The following RSF1 variants were observed in gnomAD, a reference collection of about 807,000 sequenced individuals.
RSF1 encodes the protein HBV pX-associated protein 8.
A neutral mutation model predicts 145.2 loss-of-function variants in RSF1; 13 were observed. The observed-to-expected ratio is 0.09, with a 90% CI of 0.06 to 0.14. RSF1 has a LOEUF of 0.14. Ranked by LOEUF, RSF1 falls within the 10% of genes least tolerant of loss-of-function variation. RSF1 has a pLI of 1.00. For missense variants in RSF1, 1,517 were observed against 1,718.2 expected (o/e 0.88, Z 2.07); for synonymous variants, 577 against 592.6 (o/e 0.97, Z 0.38).
In RSF1 at chr11:77,728,342, A is replaced by G. The variant is rs569481914; in HGVS notation, c.579-2643T>C. ...AAAAAGGAATAAAGTTCTGATTTAT[A>G]TTACACGGATAAACTTTGTAAAGAT... On this transcript the variant is annotated intron_variant, in intron 4 of 15. Coordinates refer to ENST00000308488, the MANE Select transcript of RSF1 (RefSeq NM_016578.4). 2.6e-5 allele frequency among the ~76,000 whole-genome samples: 4 copies of G among 152,308 alleles called. No individual in the cohort carries two copies. In the East Asian group the frequency reaches 5.8e-4, roughly 22 times the overall value.
chr11:77,676,617 A>C (rs1048659374), intron 13 of RSF1, among the ~76,000 whole-genome samples, 175 bp downstream of exon 13: 8 of 152,202 alleles, frequency 5.3e-5, no homozygotes, highest in African/African-American at 1.7e-4. Flanking sequence ...CTAAACTTTA[A>C]AAATGGGCCA....
intron 1 of RSF1, among the ~76,000 whole-genome samples, chr11:77,819,997 G>C (rs72935512): frequency 0.13 from 19,566 of 152,156 alleles, 1,445 homozygotes; most frequent in Admixed American, 0.2. Context: ...GAGGGAGGGA[G>C]AGTTGAGTGT....
At chr11:77,805,483 A>G (rs1407814429) in intron 1 of RSF1, among the ~76,000 whole-genome samples, 2 of 152,174 alleles carry the variant, frequency 1.3e-5, no homozygotes, top group Non-Finnish European at 2.9e-5. Context: ...AGATTATCTC[A>G]CTAAAGAAAA....
intron 14 of RSF1, 93 bp from the exon 15 acceptor site, chr11:77,672,323 TCA>T: frequency 1.0e-6 from 1 of 990,596 alleles, no homozygotes; most frequent in South Asian, 1.7e-5. Flanking sequence ...CAAGCAGAGT[TCA>T]GTCATAAATA....
In RSF1 at chr11:77,803,823, T is replaced by C. The variant is rs554209916; in HGVS notation, c.187+16705A>G. The stretch of plus-strand genomic sequence containing the variant: ...GGCCAAGTGTGGTGGCTCACACCTA[T>C]AATCCTAGCGCTTTGGGAGGCCAAG... On this transcript the variant is annotated intron_variant, in intron 1 of 15. Coordinates refer to ENST00000308488, the MANE Select transcript of RSF1 (RefSeq NM_016578.4). 8.5e-5 allele frequency among the ~76,000 whole-genome samples: 13 copies of C among 152,270 alleles called. No individual in the cohort carries two copies. In the Middle Eastern group the frequency reaches 0.014, roughly 159 times the overall value.
At chr11:77,694,946 A>G (rs572832591) in intron 7 of RSF1, among the ~76,000 whole-genome samples, 1 of 152,240 alleles carries the variant, frequency 6.6e-6, no homozygotes, top group African/African-American at 2.4e-5. Flanking sequence ...TGGGTTTTGG[A>G]GAAGAGCCTA....
chr11:77,839,550 C>T, the RSF1 span, among the ~76,000 whole-genome samples: 9 of 152,044 alleles, frequency 5.9e-5, no homozygotes, highest in African/African-American at 1.7e-4. Context: ...TTTACAATAG[C>T]GAAGACATGG....
the RSF1 span, among the ~76,000 whole-genome samples, chr11:77,841,941 T>C: frequency 0.13 from 19,608 of 152,196 alleles, 1,448 homozygotes; most frequent in Admixed American, 0.19. Flanking sequence ...CTGTTCATTT[T>C]CATGTTCTGC....
chr11:77,732,767 TG>T (rs1366426922), intron 4 of RSF1, among the ~76,000 whole-genome samples: 4 of 152,238 alleles, frequency 2.6e-5, no homozygotes, highest in African/African-American at 9.6e-5. Context: ...CCCAGCCACA[TG>T]GAACTGTAAG....
chr11:77,683,293 A>AAAAAC (rs1294421805), intron 11 of RSF1, among the ~76,000 whole-genome samples: 14 of 152,330 alleles, frequency 9.2e-5, no homozygotes, highest in Admixed American at 8.5e-4. Flanking sequence ...CCATCTTGGA[A>AAAAAC]AAAACAAAAC....
the RSF1 span, among the ~76,000 whole-genome samples, chr11:77,840,129 G>A: frequency 6.6e-6 from 1 of 151,588 alleles, no homozygotes; most frequent in Non-Finnish European, 1.5e-5. Flanking sequence ...CAACACCCAG[G>A]GATTTGAATG....
chr11:77,815,083 G>A (rs1052841192), intron 1 of RSF1, among the ~76,000 whole-genome samples: 1 of 152,232 alleles, frequency 6.6e-6, no homozygotes, highest in Admixed American at 6.5e-5. Flanking sequence ...TGGAAGTAAA[G>A]GGGAAGTGGA....
At chr11:77,840,863 T>C in the RSF1 span, among the ~76,000 whole-genome samples, 1 of 152,354 alleles carries the variant, frequency 6.6e-6, no homozygotes, top group African/African-American at 2.4e-5. Flanking sequence ...CCCCTGAAAG[T>C]TGTTCTTCTG....
chr11:77,757,296 A>T (rs1010530420), intron 2 of RSF1, among the ~76,000 whole-genome samples: 2 of 152,200 alleles, frequency 1.3e-5, no homozygotes, highest in African/African-American at 4.8e-5. Context: ...CAGAGACAAG[A>T]CCATGAAGGA....
At chr11:77,801,619 G>A (rs561080808) in intron 1 of RSF1, among the ~76,000 whole-genome samples, 2 of 151,834 alleles carry the variant, frequency 1.3e-5, no homozygotes, top group South Asian at 2.1e-4. Context: ...GGTAACATGC[G>A]TGTCTACACA....
chr11:77,669,902 G>A (rs187883108), intron 15 of RSF1, among the ~76,000 whole-genome samples: 6 of 152,276 alleles, frequency 3.9e-5, no homozygotes, highest in Admixed American at 3.3e-4. Context: ...CCAAGGTAGG[G>A]GGGATCACTT....
intron 1 of RSF1, among the ~76,000 whole-genome samples, chr11:77,778,179 A>AT (rs1948364348): frequency 2.1e-4 from 3 of 14,522 alleles, no homozygotes; most frequent in African/African-American, 3.9e-4. Flanking sequence ...GGGGGAGTGG[A>AT]GGGGAGGGGT....
chr11:77,732,035 G>A (rs2135896669), intron 4 of RSF1, among the ~76,000 whole-genome samples: 1 of 152,338 alleles, frequency 6.6e-6, no homozygotes, highest in South Asian at 2.1e-4. Flanking sequence ...TGCACCGTGT[G>A]CTTGGAAAAG....
intron 4 of RSF1, among the ~76,000 whole-genome samples, chr11:77,733,496 T>C (rs1961259561): frequency 6.6e-6 from 1 of 152,158 alleles, no homozygotes. Flanking sequence ...GGTCTTTATT[T>C]GCTAAAATTC....
Sources: allele counts gnomAD v4.1 joint callset (sites outside exome capture counted in the v4.1 genomes callset), GRCh38; gene constraint gnomAD v4.1.1; transcripts MANE v1.5; gene names NCBI Gene and HGNC (gene_info 2026-07-23, HGNC 2026-07-21).